RELN: variants seen among roughly 807,000 people sequenced by gnomAD.
RELN encodes reelin.
Under a neutral mutation model 427.6 loss-of-function variants are expected in RELN, and 108 were observed. That is an observed-to-expected ratio of 0.25 (90% CI 0.22 to 0.30). The LOEUF (loss-of-function observed/expected upper bound fraction) is 0.30. RELN is among the 10% of genes least tolerant of loss of function. RELN has a pLI of 1.00. For synonymous variants in RELN, 1,524 were observed against 1,513.4 expected (o/e 1.01, Z -0.16); for missense variants, 3,715 against 4,302.8 (o/e 0.86, Z 3.82).
intron 3 of RELN, among the ~76,000 whole-genome samples, chr7:103,796,875 C>CAAAAAAAAAAAAAAAAAAA (rs1310087423): frequency 1.5e-5 from 1 of 67,234 alleles, no homozygotes; most frequent in Non-Finnish European, 2.8e-5. Flanking sequence ...CTCCATCTCA[C>CAAAAAAAAAAAAAAAAAAA]AAAAAAAAAA....
intron 19 of RELN, among the ~76,000 whole-genome samples, chr7:103,630,857 T>G (rs1386473718): frequency 1.1e-3 from 95 of 87,806 alleles, no homozygotes; most frequent in South Asian, 7.3e-3. Context: ...TTTTGTTTTT[T>G]TTGTTTTTTT....
intron 51 of RELN, among the ~76,000 whole-genome samples, chr7:103,509,041 G>A (rs919242561): frequency 1.3e-5 from 2 of 152,200 alleles, no homozygotes; most frequent in Non-Finnish European, 2.9e-5. Context: ...TATGCCCATG[G>A]TTAGGAAGAA....
chr7:103,590,543 G>C (rs1988475), intron 27 of RELN, among the ~76,000 whole-genome samples: 3,754 of 151,078 alleles, frequency 0.025, 173 homozygotes, highest in African/African-American at 0.087. Context: ...CTGGGTGACA[G>C]AGCCAGACTC....
At chr7:103,539,823 T>G (rs191476907) in intron 44 of RELN, among the ~76,000 whole-genome samples, 140 of 152,322 alleles carry the variant, frequency 9.2e-4, no homozygotes, top group Non-Finnish European at 1.5e-3. Context: ...ATTTTTTTCT[T>G]CAAAGGCAAG....
intron 2 of RELN, among the ~76,000 whole-genome samples, chr7:103,909,864 G>T (rs1795324331): frequency 8.4e-6 from 1 of 119,284 alleles, no homozygotes; most frequent in Admixed American, 9.1e-5. Context: ...AATTCATTTT[G>T]TAATTATACT....
intron 1 of RELN, among the ~76,000 whole-genome samples, chr7:103,963,317 G>A (rs1796600141): frequency 6.6e-6 from 1 of 152,036 alleles, no homozygotes; most frequent in South Asian, 2.1e-4. Context: ...TGACTACAAA[G>A]CATTTTCACA....
intron 8 of RELN, among the ~76,000 whole-genome samples, chr7:103,718,289 G>A (rs912981579): frequency 3.4e-5 from 5 of 145,850 alleles, no homozygotes; most frequent in Non-Finnish European, 7.5e-5. Context: ...ATGATTTAAT[G>A]ACTTCCTTCT....
At chr7:103,622,874 G>C (rs74702372) in intron 20 of RELN, among the ~76,000 whole-genome samples, 6,133 of 152,140 alleles carry the variant, frequency 0.04, 171 homozygotes, top group East Asian at 0.14. Flanking sequence ...ACAAGCAAAG[G>C]GCCTTTCTAT....
At chr7:103,967,383 C>A (rs1350875531) in intron 1 of RELN, among the ~76,000 whole-genome samples, 5 of 152,060 alleles carry the variant, frequency 3.3e-5, no homozygotes, top group Non-Finnish European at 1.5e-5. Flanking sequence ...GTTTTAGTTT[C>A]TTGTGGGGCT....
chr7:103,498,208 G>A lies in RELN; in HGVS notation c.8712C>T (p.Asp2904=). ...TTCCACCTTCTAAGGACATCCATAA[G>A]TCAGGTTTGATTTCTTCACTGTCAA... ...ERFDSEEIKP[D]LWMSLEGGST... The change falls in exon 54 of 65, where the codon GAC becomes GAT. Residue 2904 remains aspartate (D), a synonymous_variant. Transcript: ENST00000428762. 6.2e-7 allele frequency: 1 copy of A among 1,613,932 alleles called. No individual in the cohort carries two copies. The highest frequency in any genetic ancestry group is 1.1e-5 in the South Asian group (1 of 91,080).
At chr7:103,853,540 ACAT>A (rs1407545696) in intron 2 of RELN, among the ~76,000 whole-genome samples, 1 of 151,978 alleles carries the variant, frequency 6.6e-6, no homozygotes, top group Non-Finnish European at 1.5e-5. Flanking sequence ...GGCAAACCTG[ACAT>A]CATTTCCAGT....
chr7:103,759,976 T>A (rs1791254733), intron 4 of RELN, among the ~76,000 whole-genome samples: 1 of 145,800 alleles, frequency 6.9e-6, no homozygotes, highest in Admixed American at 6.8e-5. Flanking sequence ...CGGTCATTGG[T>A]GCTCACAGTC....
chr7:103,481,746 CA>C (rs1554360285), intron 63 of RELN, among the ~76,000 whole-genome samples: 1 of 152,174 alleles, frequency 6.6e-6, no homozygotes, highest in Non-Finnish European at 1.5e-5. Context: ...TACATAGATT[CA>C]TTTCAGCACC....
intron 41 of RELN, among the ~76,000 whole-genome samples, chr7:103,550,827 G>C (rs778018483): frequency 6.6e-5 from 10 of 152,086 alleles, no homozygotes; most frequent in Non-Finnish European, 1.2e-4. Context: ...ATTTCACAAG[G>C]ATGTGAACCC....
rs540386748 is a variant in RELN at position 103,931,805 on chromosome 7, A to C, written c.227-14620T>G. On this transcript the variant is annotated intron_variant, in intron 1 of 64. Coordinates refer to ENST00000428762, the MANE Select transcript of RELN (RefSeq NM_005045.4). ...AATATGCTTCCACTGTCCAGGCAGC[A>C]CTACACTCCTCCTTTGTACACAATT... Among the ~76,000 whole-genome samples, 4 of 152,292 alleles carry C rather than the reference A, an allele frequency of 2.6e-5. No individual in the cohort carries two copies. The East Asian group carries it at 5.8e-4, about 22-fold the overall frequency.
chr7:103,667,642 C>T (rs1833299777), intron 11 of RELN, among the ~76,000 whole-genome samples: 1 of 152,116 alleles, frequency 6.6e-6, no homozygotes, highest in South Asian at 2.1e-4. Context: ...AATATATGGA[C>T]AGTAGTTTTA....
At chr7:103,608,623 A>C (rs957434358) in intron 22 of RELN, among the ~76,000 whole-genome samples, 1 of 152,200 alleles carries the variant, frequency 6.6e-6, no homozygotes, top group African/African-American at 2.4e-5. Context: ...TTAATTCCCC[A>C]ATGTCCAATA....
chr7:103,660,210 G>A lies in RELN; in HGVS notation c.1441+1166C>T, dbSNP rs753718116. Among the ~76,000 whole-genome samples, 103 of 152,078 alleles carry A rather than the reference G, an allele frequency of 6.8e-4. 1 individual carries two copies. Among genetic ancestry groups the A allele is most frequent in the Admixed American group, 1.5e-3 (23 of 15,250 alleles). On this transcript the variant is annotated intron_variant, in intron 12 of 64. Transcript: ENST00000428762. ...AAAGGGAAAAAACTTAAATTAGGCT[G>A]GCATACTAAATGTTTATTACAACTT...
chr7:103,766,269 C>A (rs2116156273), intron 4 of RELN, among the ~76,000 whole-genome samples: 1 of 152,180 alleles, frequency 6.6e-6, no homozygotes, highest in Non-Finnish European at 1.5e-5. Context: ...ACAAAATAGC[C>A]AAGGGGAGCA....
Sources: allele counts gnomAD v4.1 joint callset (sites outside exome capture counted in the v4.1 genomes callset), GRCh38; gene constraint gnomAD v4.1.1; transcripts MANE v1.5; gene names NCBI Gene and HGNC (gene_info 2026-07-23, HGNC 2026-07-21).